CSMD1: variants seen among roughly 807,000 people sequenced by gnomAD.
CSMD1 encodes CUB and Sushi multiple domains 1, also known as CUB and sushi domain-containing protein 1.
A neutral mutation model predicts 417.5 loss-of-function variants in CSMD1; 213 were observed. The observed-to-expected ratio is 0.51, with a 90% CI of 0.46 to 0.57. The LOEUF (loss-of-function observed/expected upper bound fraction) is 0.57. Ranked by LOEUF, CSMD1 falls within the 20% of genes least tolerant of loss-of-function variation. CSMD1 has a pLI of 0.00. For missense variants in CSMD1, 6,923 were observed against 4,529.7 expected, an observed-to-expected ratio of 1.53 and a Z score of -15.17; for synonymous variants, 2,862 against 1,736.8, an observed-to-expected ratio of 1.65 and a Z score of -16.11.
chr8:4,131,172 T>C (rs1803079433), intron 3 of CSMD1, among the ~76,000 whole-genome samples: 1 of 151,984 alleles, frequency 6.6e-6, no homozygotes, highest in Non-Finnish European at 1.5e-5. Context: ...AGACTGAGAG[T>C]AGTACATCAA....
chr8:4,163,615 ACT>A (rs1797289551), intron 3 of CSMD1, among the ~76,000 whole-genome samples: 1 of 152,216 alleles, frequency 6.6e-6, no homozygotes, highest in African/African-American at 2.4e-5. Context: ...TTTTTTCAAA[ACT>A]CTGTTGACTA....
intron 30 of CSMD1, among the ~76,000 whole-genome samples, chr8:3,205,844 G>T (rs1012824120): frequency 6.6e-6 from 1 of 152,108 alleles, no homozygotes; most frequent in Non-Finnish European, 1.5e-5. Context: ...TTATTTTCAA[G>T]ACATTTGTCT....
intron 2 of CSMD1, among the ~76,000 whole-genome samples, chr8:4,603,518 G>A (rs1172992420): frequency 6.6e-6 from 1 of 152,032 alleles, no homozygotes; most frequent in Non-Finnish European, 1.5e-5. Context: ...TAAAAGATAA[G>A]CAGTGGGTAA....
intron 1 of CSMD1, among the ~76,000 whole-genome samples, chr8:4,688,895 G>C (rs1014080): frequency 0.69 from 105,421 of 152,080 alleles, 37,767 homozygotes; most frequent in African/African-American, 0.87. Flanking sequence ...ACGTCAGTGT[G>C]CTAACAGCAC....
intron 6 of CSMD1, among the ~76,000 whole-genome samples, chr8:3,732,214 A>G (rs1397625674): frequency 6.6e-6 from 1 of 152,180 alleles, no homozygotes; most frequent in African/African-American, 2.4e-5. Context: ...GACTCTATCA[A>G]TTTAGCAGTT....
intron 4 of CSMD1, among the ~76,000 whole-genome samples, chr8:3,999,594 G>C (rs951791580): frequency 5.3e-5 from 8 of 152,192 alleles, no homozygotes; most frequent in Non-Finnish European, 1.0e-4. Context: ...CATAGGGGTA[G>C]TTGACAGCAC....
At chr8:4,514,798 T>C (rs892124056) in intron 2 of CSMD1, among the ~76,000 whole-genome samples, 2 of 152,180 alleles carry the variant, frequency 1.3e-5, no homozygotes, top group African/African-American at 4.8e-5. Flanking sequence ...ACATGACTCA[T>C]ACCTTAGTGC....
intron 3 of CSMD1, among the ~76,000 whole-genome samples, chr8:4,047,546 A>AG (rs772633811): frequency 1.7e-4 from 17 of 102,608 alleles, no homozygotes; most frequent in Non-Finnish European, 3.2e-4. Flanking sequence ...CATTCATTCC[A>AG]CAAATATTTA....
intron 4 of CSMD1, among the ~76,000 whole-genome samples, chr8:4,014,610 A>G (rs1796434333): frequency 6.6e-6 from 1 of 152,204 alleles, no homozygotes; most frequent in African/African-American, 2.4e-5. Flanking sequence ...GATTAAAAGT[A>G]ATATTAGCCC....
chr8:3,159,717 T>G (rs1819763351), intron 38 of CSMD1, among the ~76,000 whole-genome samples: 1 of 152,244 alleles, frequency 6.6e-6, no homozygotes, highest in African/African-American at 2.4e-5. Context: ...GAAACACAGC[T>G]TAGTTTGCAT....
In CSMD1 at chr8:4,971,563, T is replaced by C. The variant is rs543386943; in HGVS notation, c.85+22769A>G. Among the ~76,000 whole-genome samples, 70 of 152,110 alleles carry C rather than the reference T, an allele frequency of 4.6e-4. 1 individual carries two copies. The South Asian group carries it at 0.011, about 23-fold the overall frequency. ...TTTCTTGAGTTTTAAGCCAGAAATATATTTAGCAGTAGGCTATGTTTACCA... is the reference window on the plus strand; with the variant it reads ...TTTCTTGAGTTTTAAGCCAGAAATACATTTAGCAGTAGGCTATGTTTACCA... On this transcript the variant is annotated intron_variant, in intron 1 of 69. Transcript: ENST00000635120.
At chr8:4,753,809 G>T (rs972626416) in intron 1 of CSMD1, among the ~76,000 whole-genome samples, 15 of 152,042 alleles carry the variant, frequency 9.9e-5, no homozygotes, top group African/African-American at 3.6e-4. Context: ...TTACTCCATC[G>T]CACTTTCTTC....
At chr8:4,271,367 A>G (rs1804584038) in intron 3 of CSMD1, among the ~76,000 whole-genome samples, 1 of 152,130 alleles carries the variant, frequency 6.6e-6, no homozygotes, top group African/African-American at 2.4e-5. Flanking sequence ...AAATGTCAAA[A>G]TAAATAAATA....
At chr8:3,304,108 C>G (rs74959410) in intron 25 of CSMD1, among the ~76,000 whole-genome samples, 1 of 151,990 alleles carries the variant, frequency 6.6e-6, no homozygotes, top group Admixed American at 6.6e-5. Context: ...TTCCAAGATC[C>G]GGCTGTTTAT....
intron 3 of CSMD1, among the ~76,000 whole-genome samples, chr8:4,259,870 T>G (rs546596363): frequency 6.6e-6 from 1 of 152,334 alleles, no homozygotes; most frequent in East Asian, 1.9e-4. Context: ...ATATTGCAGC[T>G]TAAGTTAATT....
intron 1 of CSMD1, among the ~76,000 whole-genome samples, chr8:4,720,530 G>A (rs1222341543): frequency 6.6e-6 from 1 of 152,068 alleles, no homozygotes; most frequent in Non-Finnish European, 1.5e-5. Flanking sequence ...CAAGTCTCCT[G>A]CCTCAGCCCC....
intron 5 of CSMD1, among the ~76,000 whole-genome samples, chr8:3,933,369 T>C (rs1810284042): frequency 6.6e-6 from 1 of 152,194 alleles, no homozygotes; most frequent in African/African-American, 2.4e-5. Flanking sequence ...GACATTTCAG[T>C]TTAGTACTAA....
At chr8:3,247,531 T>C (rs2117011134) in intron 26 of CSMD1, among the ~76,000 whole-genome samples, 1 of 152,254 alleles carries the variant, frequency 6.6e-6, no homozygotes, top group African/African-American at 2.4e-5. Context: ...CAAGCTCAGG[T>C]CCATCTGGGC....
chr8:3,043,223 G>C (rs1811225699), intron 50 of CSMD1, among the ~76,000 whole-genome samples: 1 of 151,428 alleles, frequency 6.6e-6, no homozygotes, highest in East Asian at 1.9e-4. Flanking sequence ...ATAAATACTA[G>C]ATATGACCTA....
Sources: allele counts gnomAD v4.1 joint callset (sites outside exome capture counted in the v4.1 genomes callset), GRCh38; gene constraint gnomAD v4.1.1; transcripts MANE v1.5; gene names NCBI Gene and HGNC (gene_info 2026-07-23, HGNC 2026-07-21).